IL16: variants seen among roughly 807,000 people sequenced by gnomAD.
IL16 encodes the protein pro-interleukin-16.
In IL16, 67 loss-of-function variants were observed where a neutral mutation model predicts 110.1. The ratio of observed to expected loss-of-function variants is 0.61; its 90% CI spans 0.50 to 0.75. The LOEUF (loss-of-function observed/expected upper bound fraction) is 0.75. IL16 is among the 30% of genes least tolerant of loss of function. IL16 has a pLI of 0.00. For synonymous variants in IL16, 689 were observed against 662.9 expected, an observed-to-expected ratio of 1.04 and a Z score of -0.61; for missense variants, 1,545 against 1,655.0, an observed-to-expected ratio of 0.93 and a Z score of 1.15.
chr15:81,306,438 G>A lies in IL16; in HGVS notation c.3698G>A (p.Cys1233Tyr). Residue 1233 changes from cysteine (C) to tyrosine (Y), a missense_variant, in exon 18 of 19, where the codon TGC becomes TAC. This residue lies in a region of IL16 where 356 missense variants were observed against 399.3 expected (regional missense o/e 0.89). Transcript: ENST00000683961. ...TTCTCAGCAGCAGAGGCCACAGTCT[G>A]CACGGTGACACTGGAGAAGATGTCG... ...SVESTAEATVCTVTLEKMSAG... is the reference protein window; with the variant it reads ...SVESTAEATVYTVTLEKMSAG... The A allele has an allele frequency of 6.2e-7, 1 of 1,614,118 alleles. No individual in the cohort carries two copies. The highest frequency in any genetic ancestry group is 8.5e-7 in the Non-Finnish European group (1 of 1,180,026).
At position 81,303,478 on chromosome 15, in the gene IL16, T is replaced by C. The variant is rs566098609; in HGVS notation, c.3319-71T>C. On this transcript the variant is annotated intron_variant, in intron 15 of 18. Transcript: ENST00000683961. This position sits in a 1 kb window ranked among gnomAD's most constrained non-coding sequence, Gnocchi z 4.1. Reference sequence around the variant, plus strand: ...GGTTTGAGATAACAAATCAGTCTGATGTCAGTCCGATGTTAAATTGTTCAT... The same window carrying C: ...GGTTTGAGATAACAAATCAGTCTGACGTCAGTCCGATGTTAAATTGTTCAT... The C allele has an allele frequency of 9.6e-7, 1 of 1,041,972 alleles. No homozygotes were observed. Among genetic ancestry groups the C allele is most frequent in the Non-Finnish European group, 1.5e-6 (1 of 672,174 alleles). 64.5% of individuals were successfully genotyped at this position (1,041,972 alleles called of 1,614,324 possible).
intron 1 of IL16, among the ~76,000 whole-genome samples, chr15:81,215,053 G>A (rs1309436545): frequency 6.6e-6 from 1 of 152,028 alleles, no homozygotes; most frequent in Non-Finnish European, 1.5e-5. Context: ...GGATTGATTG[G>A]GCTCCAACTT....
intron 1 of IL16, among the ~76,000 whole-genome samples, chr15:81,204,923 C>A (rs984873006): frequency 6.6e-6 from 1 of 150,668 alleles, no homozygotes; most frequent in Non-Finnish European, 1.5e-5. Context: ...GGGGAGCAGA[C>A]CATGATGATA....
chr15:81,201,833 A>G (rs920264375), intron 1 of IL16, among the ~76,000 whole-genome samples: 11 of 152,188 alleles, frequency 7.2e-5, no homozygotes, highest in Non-Finnish European at 1.5e-4. Flanking sequence ...ACGCGCACAC[A>G]CTGTGCTGCA....
chr15:81,211,334 C>T (rs571678720), intron 1 of IL16, among the ~76,000 whole-genome samples: 2 of 152,188 alleles, frequency 1.3e-5, no homozygotes, highest in East Asian at 3.9e-4. Flanking sequence ...TGACTGCAAC[C>T]TCCACCTCCC....
Position 81,300,329 on chromosome 15 carries a change from C to T in IL16, c.3003C>T (p.Ser1001=), listed in dbSNP as rs373112565. Residue 1001 remains serine (S), a synonymous_variant, in exon 14 of 19, where the codon TCC becomes TCT. Transcript: ENST00000683961. ...SSQVSSAVMK[S]LLCLPSSISC... ...AAGTGTCATCGGCTGTCATGAAATC[C>T]TTGCTGTGCCTTCCATCTTCTATCT... 3.1e-6 allele frequency: 5 copies of T among 1,614,074 alleles called. No individual in the cohort carries two copies.
chr15:81,215,718 C>T (rs1896402269), intron 1 of IL16, among the ~76,000 whole-genome samples: 2 of 152,190 alleles, frequency 1.3e-5, no homozygotes, highest in Admixed American at 1.3e-4. Context: ...AGCTTGTTCC[C>T]ACCCTGGCCC....
intron 4 of IL16, 132 bp from the exon 5 acceptor site, chr15:81,269,406 T>A: frequency 1.5e-6 from 1 of 682,626 alleles, no homozygotes; most frequent in Non-Finnish European, 2.7e-6. Context: ...ACATTCTGGT[T>A]GTTACGCTGC....
upstream of IL16, among the ~76,000 whole-genome samples, chr15:81,194,938 G>T (rs1410159872): frequency 6.6e-6 from 1 of 152,130 alleles, no homozygotes; most frequent in Non-Finnish European, 1.5e-5. Flanking sequence ...TAACCAGGGC[G>T]GGGCTCTCTC....
intron 6 of IL16, among the ~76,000 whole-genome samples, chr15:81,278,318 G>A (rs574480562): frequency 6.6e-6 from 1 of 152,240 alleles, no homozygotes; most frequent in African/African-American, 2.4e-5. Context: ...AAGTGCAGTA[G>A]GTACAGTGTG....
chr15:81,194,099 A>G (rs993365600), upstream of IL16, among the ~76,000 whole-genome samples: 1 of 152,222 alleles, frequency 6.6e-6, no homozygotes. Flanking sequence ...AAGGCATTTT[A>G]TAGATTGCAG....
intron 1 of IL16, among the ~76,000 whole-genome samples, chr15:81,203,157 C>T (rs1474617630): frequency 6.9e-6 from 1 of 145,286 alleles, no homozygotes; most frequent in Admixed American, 6.6e-5. Context: ...CCTTCACCCA[C>T]TTTTTGATGG....
chr15:81,296,545 C>T (rs553952851), intron 12 of IL16, among the ~76,000 whole-genome samples: 1 of 152,272 alleles, frequency 6.6e-6, no homozygotes, highest in South Asian at 2.1e-4. Context: ...TTTTTTGCTG[C>T]CTTGTTTCTA....
rs544746081 is a variant in IL16, at chr15:81,186,985, C to T, written c.40+4089C>T. ...TCCATCTCATTTTTGAATGCATTTC[C>T]AAATAAGTTGGGGATTAAATAAAGA... On this transcript the variant is annotated intron_variant, in intron 1 of 18. Coordinates refer to the IL16 transcript ENST00000302987. Among the ~76,000 whole-genome samples, 7 of 152,194 alleles carry T rather than the reference C, an allele frequency of 4.6e-5. No individual in the cohort carries two copies. In the East Asian group the frequency reaches 9.7e-4, roughly 21 times the overall value.
rs574266192 is a variant in IL16, at chr15:81,248,811, C to A, written c.313-10961C>A. On this transcript the variant is annotated intron_variant, in intron 2 of 18. Coordinates refer to ENST00000683961, the MANE Select transcript of IL16 (RefSeq NM_172217.5). ...TCTCCATTCACGGCAAACTCCACCCCCTGGGTTCAAGCCGTTCTCCTGCCT... is the reference window on the plus strand; with the variant it reads ...TCTCCATTCACGGCAAACTCCACCCACTGGGTTCAAGCCGTTCTCCTGCCT... Among the ~76,000 whole-genome samples the A allele has an allele frequency of 1.7e-4, 26 of 151,248 alleles. No homozygotes were observed. The South Asian group carries it at 4.4e-3, about 26-fold the overall frequency.
intron 6 of IL16, among the ~76,000 whole-genome samples, chr15:81,277,982 CA>C (rs1427293899): frequency 1.3e-5 from 2 of 152,130 alleles, no homozygotes; most frequent in Non-Finnish European, 2.9e-5. Context: ...GATTCTCCTA[CA>C]AGTATACTGT....
At chr15:81,287,790 C>T (rs1223095818) in intron 10 of IL16, among the ~76,000 whole-genome samples, 2 of 152,208 alleles carry the variant, frequency 1.3e-5, no homozygotes, top group African/African-American at 4.8e-5. Flanking sequence ...GGAATTCAAA[C>T]CCAGCCCCAT....
intron 9 of IL16, among the ~76,000 whole-genome samples, chr15:81,284,997 C>A (rs1899376850): frequency 6.6e-6 from 1 of 152,120 alleles, no homozygotes; most frequent in Non-Finnish European, 1.5e-5. Context: ...TCAACCTCTG[C>A]AACTCAATTT....
chr15:81,246,708 A>C (rs1435975773), intron 2 of IL16, among the ~76,000 whole-genome samples: 1 of 152,184 alleles, frequency 6.6e-6, no homozygotes, highest in Non-Finnish European at 1.5e-5. Context: ...CCCTTCTAAA[A>C]TGTGAGGTGT....
Sources: allele counts gnomAD v4.1 joint callset (sites outside exome capture counted in the v4.1 genomes callset), GRCh38; gene constraint gnomAD v4.1.1; regional missense constraint gnomAD v4.1.1; non-coding constraint Gnocchi (gnomAD v3.1); transcripts MANE v1.5; gene names NCBI Gene and HGNC (gene_info 2026-07-23, HGNC 2026-07-21).